Variants in TRPC7 observed in about 807,000 individuals in gnomAD.
The protein encoded by TRPC7 is transient receptor potential cation channel subfamily C member 7, also known as short transient receptor potential channel 7.
A neutral mutation model predicts 90.1 loss-of-function variants in TRPC7; 42 were observed. That is an observed-to-expected ratio of 0.47 (90% confidence interval 0.36 to 0.60). The LOEUF is 0.60. Among genes scored for constraint, TRPC7 ranks in the 20% least tolerant of loss-of-function variants. The pLI, the probability that TRPC7 is intolerant of heterozygous loss-of-function variation, is 0.00. For synonymous variants in TRPC7, 451 were observed against 436.3 expected, an observed-to-expected ratio of 1.03 and a Z score of -0.42; for missense variants, 955 against 1,112.3, an observed-to-expected ratio of 0.86 and a Z score of 2.01.
rs528541380 is a variant in TRPC7 at position 136,303,179 on chromosome 5, C to A, written c.963+12418G>T. On this transcript the variant is annotated intron_variant, in intron 3 of 11. Transcript: ENST00000513104. ...ATGCTCCTTTTTCTTTATCCCAAAT[C>A]AGATAGCTTCTAGGCTCTTTTTCAT... Among the ~76,000 whole-genome samples, 4 of 152,272 alleles carry A rather than the reference C, an allele frequency of 2.6e-5. No homozygotes were observed. In the East Asian group the frequency reaches 7.7e-4, roughly 29 times the overall value.
intron 10 of TRPC7, among the ~76,000 whole-genome samples, 161 bp downstream of exon 10, chr5:136,225,112 AG>A (rs2149794731): frequency 6.6e-6 from 1 of 152,264 alleles, no homozygotes; most frequent in African/African-American, 2.4e-5. Context: ...CCCAGGAAGT[AG>A]CACAGTGCCT....
chr5:136,357,184 G>A lies in TRPC7; in HGVS notation c.204C>T (p.Thr68=). The change falls in exon 2 of 12, where the codon ACC becomes ACT. Residue 68 remains threonine (T), a synonymous_variant. Coordinates refer to ENST00000513104, the MANE Select transcript of TRPC7 (RefSeq NM_020389.3). ...VVRKMLEESK[T]LNFNCVDYMG... ...TGTAGTCCACACAGTTGAAGTTAAG[G>A]GTCTTGGACTCCTCCAGCATTTTCC... 6.2e-7 allele frequency: 1 copy of A among 1,613,948 alleles called. No individual in the cohort carries two copies. The highest frequency in any genetic ancestry group is 8.5e-7 in the Non-Finnish European group (1 of 1,179,968).
intron 5 of TRPC7, among the ~76,000 whole-genome samples, chr5:136,265,583 T>A (rs1756996386): frequency 6.6e-6 from 1 of 152,196 alleles, no homozygotes; most frequent in Non-Finnish European, 1.5e-5. Context: ...TTCCTTCTAG[T>A]AATGGTTCTC....
rs549388684 is a variant in TRPC7, at chr5:136,280,031, G to T, written c.964-5194C>A. ...AAAAATTAGCTGGGCATGGTGGCTG[G>T]TGCCTGTAATCCCAGCTACTTGGAA... On this transcript the variant is annotated intron_variant, in intron 3 of 11. Transcript: ENST00000513104. Among the ~76,000 whole-genome samples the T allele has an allele frequency of 5.3e-5, 8 of 152,200 alleles. No homozygotes were observed. In the East Asian group the frequency reaches 1.5e-3, roughly 29 times the overall value.
intron 2 of TRPC7, among the ~76,000 whole-genome samples, chr5:136,330,043 T>C (rs1434123051): frequency 2.6e-5 from 4 of 152,110 alleles, no homozygotes; most frequent in East Asian, 3.9e-4. Context: ...GTGCTTCCTA[T>C]AGGCCGTGAC....
chr5:136,362,430 A>T (rs1760597100), intron 1 of TRPC7, among the ~76,000 whole-genome samples: 1 of 152,210 alleles, frequency 6.6e-6, no homozygotes, highest in Non-Finnish European at 1.5e-5. Context: ...ATGATGAATG[A>T]ATTGTAAATA....
chr5:136,329,646 A>G (rs1287999601), intron 2 of TRPC7, among the ~76,000 whole-genome samples: 1 of 152,218 alleles, frequency 6.6e-6, no homozygotes, highest in Non-Finnish European at 1.5e-5. Flanking sequence ...TGTGATGAAT[A>G]CGAGCTGACT....
chr5:136,321,510 A>T (rs1759197529), intron 2 of TRPC7, among the ~76,000 whole-genome samples: 1 of 152,178 alleles, frequency 6.6e-6, no homozygotes, highest in African/African-American at 2.4e-5. Context: ...TCATTCGGAG[A>T]ATTCAACACC....
At chr5:136,222,334 G>A (rs374908618) in intron 10 of TRPC7, among the ~76,000 whole-genome samples, 2 of 152,202 alleles carry the variant, frequency 1.3e-5, no homozygotes, top group Admixed American at 6.5e-5. Context: ...GTGTGTGAAC[G>A]ATGGTGCTTT....
At chr5:136,315,855 A>G (rs1759004295) in intron 2 of TRPC7, 76 bp from the exon 3 acceptor site, 3 of 1,390,090 alleles carry the variant, frequency 2.2e-6, no homozygotes, top group Non-Finnish European at 3.0e-6. Context: ...AGCAGTGTCG[A>G]TCAGCAACTG....
At chr5:136,359,482 G>T (rs750739788) in intron 1 of TRPC7, among the ~76,000 whole-genome samples, 2 of 151,558 alleles carry the variant, frequency 1.3e-5, no homozygotes, top group Non-Finnish European at 2.9e-5. Context: ...CTGGGGAAAA[G>T]ACTGTCAGAA....
chr5:136,225,014 A>G (rs537550248), intron 10 of TRPC7, among the ~76,000 whole-genome samples: 114 of 152,184 alleles, frequency 7.5e-4, no homozygotes, highest in Non-Finnish European at 1.3e-3. Context: ...TTGAGGGCAT[A>G]CACTTATCTG....
chr5:136,252,048 G>C (rs547870793), intron 5 of TRPC7, among the ~76,000 whole-genome samples, 166 bp from the exon 6 acceptor site: 3 of 152,222 alleles, frequency 2.0e-5, no homozygotes, highest in Admixed American at 6.5e-5. Context: ...GGCAGATTTA[G>C]ACCCAGGAGA....
intron 10 of TRPC7, among the ~76,000 whole-genome samples, chr5:136,220,176 A>G (rs1215056990): frequency 2.0e-5 from 3 of 152,228 alleles, no homozygotes; most frequent in African/African-American, 7.2e-5. Context: ...TGTTTGAACA[A>G]TATGAAATCA....
chr5:136,323,757 CT>C (rs1759268137), intron 2 of TRPC7, among the ~76,000 whole-genome samples: 1 of 152,160 alleles, frequency 6.6e-6, no homozygotes, highest in South Asian at 2.1e-4. Context: ...AAACTAGGTA[CT>C]TTGAGTCCTC....
intron 3 of TRPC7, among the ~76,000 whole-genome samples, chr5:136,280,574 T>C (rs1757517696): frequency 6.6e-6 from 1 of 152,198 alleles, no homozygotes; most frequent in Non-Finnish European, 1.5e-5. Flanking sequence ...TTAAGTGTCT[T>C]CACATCTTTA....
At chr5:136,298,399 G>A (rs1435626433) in intron 3 of TRPC7, among the ~76,000 whole-genome samples, 1 of 152,224 alleles carries the variant, frequency 6.6e-6, no homozygotes, top group African/African-American at 2.4e-5. Flanking sequence ...CAAGGGCCAG[G>A]TCATGCAGCA....
In TRPC7 at chr5:136,231,436, T is replaced by C. The variant is rs4976482; in HGVS notation, c.1958A>G (p.Tyr653Cys). 1 of 1,613,072 alleles carries C rather than the reference T, an allele frequency of 6.2e-7. No homozygotes were observed. The highest frequency in any genetic ancestry group is 8.5e-7 in the Non-Finnish European group (1 of 1,179,462). Residue 653 changes from tyrosine (Y) to cysteine (C), a missense_variant, in exon 8 of 12, where the codon TAC becomes TGC. Tyr to Cys is a radical substitution (Grantham distance 194). Coordinates refer to ENST00000513104, the MANE Select transcript of TRPC7 (RefSeq NM_020389.3). Reference sequence around the variant, plus strand: ...CACCATGGTGACGTTATAAACGCCGTAGAGAACGTAGCCAATGTTCTCGAT... The same window carrying C: ...CACCATGGTGACGTTATAAACGCCGCAGAGAACGTAGCCAATGTTCTCGAT... ...KFIENIGYVL[Y>C]GVYNVTMVVV...
At chr5:136,292,680 A>C (rs1270982870) in intron 3 of TRPC7, among the ~76,000 whole-genome samples, 1 of 152,194 alleles carries the variant, frequency 6.6e-6, no homozygotes, top group African/African-American at 2.4e-5. Context: ...AAAGTCCAGG[A>C]CCAGATGGAT....
Sources: allele counts gnomAD v4.1 joint callset (sites outside exome capture counted in the v4.1 genomes callset), GRCh38; gene constraint gnomAD v4.1.1; transcripts MANE v1.5; gene names NCBI Gene and HGNC (gene_info 2026-07-23, HGNC 2026-07-21).